COMMD10: variants seen among roughly 807,000 people sequenced by gnomAD.
COMMD10 encodes COMM domain-containing protein 10.
Under a neutral mutation model 28.9 loss-of-function variants are expected in COMMD10, and 33 were observed. The observed-to-expected ratio is 1.14, with a 90% confidence interval of 0.87 to 1.53. COMMD10 has a LOEUF of 1.53. Among genes scored for constraint, COMMD10 ranks in the 40% most tolerant of loss-of-function variants. The pLI is 0.00. For missense variants in COMMD10, 310 were observed against 233.4 expected, an observed-to-expected ratio of 1.33 and a Z score of -2.14; for synonymous variants, 110 against 81.7, an observed-to-expected ratio of 1.35 and a Z score of -1.87.
At chr5:116,154,712 G>C (rs1406059636) in intron 5 of COMMD10, among the ~76,000 whole-genome samples, 1 of 152,036 alleles carries the variant, frequency 6.6e-6, no homozygotes. Context: ...ATCTCTGCCA[G>C]CCTTGACCAC....
intron 5 of COMMD10, among the ~76,000 whole-genome samples, chr5:116,273,578 C>T (rs1327691364): frequency 2.0e-5 from 3 of 151,802 alleles, no homozygotes; most frequent in African/African-American, 7.3e-5. Context: ...ATATTAATGA[C>T]TAGACTACAG....
chr5:116,199,878 C>A (rs762486268), intron 5 of COMMD10, among the ~76,000 whole-genome samples: 5 of 152,116 alleles, frequency 3.3e-5, no homozygotes, highest in Non-Finnish European at 7.4e-5. Context: ...CCATGCCTGG[C>A]TTTCTTCTTC....
chr5:116,162,568 A>G (rs1752951337), intron 5 of COMMD10, among the ~76,000 whole-genome samples: 2 of 152,224 alleles, frequency 1.3e-5, no homozygotes, highest in South Asian at 4.1e-4. Flanking sequence ...ATATATGTAC[A>G]TAAATAGATT....
chr5:116,262,184 C>G (rs550821569), intron 5 of COMMD10, among the ~76,000 whole-genome samples: 1 of 151,684 alleles, frequency 6.6e-6, no homozygotes, highest in Admixed American at 6.6e-5. Context: ...CTCCTCTCAT[C>G]TTTTTCTGTT....
chr5:116,288,881 T>C (rs1751288626), intron 5 of COMMD10, among the ~76,000 whole-genome samples: 1 of 139,390 alleles, frequency 7.2e-6, no homozygotes, highest in East Asian at 2.0e-4. Context: ...TCTTTTTTTT[T>C]TTTTTTTTTT....
At chr5:116,096,041 G>T (rs1314401868) in intron 4 of COMMD10, among the ~76,000 whole-genome samples, 1 of 151,988 alleles carries the variant, frequency 6.6e-6, no homozygotes, top group East Asian at 1.9e-4. Context: ...CAGGTATTGT[G>T]AACCCACTGA....
chr5:116,168,176 G>T (rs1194215037), intron 5 of COMMD10, among the ~76,000 whole-genome samples: 1 of 147,316 alleles, frequency 6.8e-6, no homozygotes, highest in East Asian at 2.0e-4. Context: ...AAAAAAAAAG[G>T]GATTGCAGTC....
chr5:116,126,281 A>G (rs1472010952), intron 4 of COMMD10, among the ~76,000 whole-genome samples: 2 of 152,244 alleles, frequency 1.3e-5, no homozygotes, highest in Admixed American at 6.5e-5. Flanking sequence ...AAGAGGACAC[A>G]AACAAATGGA....
At position 116,140,257 on chromosome 5, in the gene COMMD10, A is replaced by G. The variant is rs374419073; in HGVS notation, c.510+6079A>G. 3.3e-3 allele frequency among the ~76,000 whole-genome samples: 263 copies of G among 79,254 alleles called. 2 individuals carry two copies. Among genetic ancestry groups the G allele is most frequent in the African/African-American group, 0.018 (236 of 13,200 alleles). 52.0% of individuals were successfully genotyped at this position (79,254 alleles called of 152,430 possible). A position where few individuals can be genotyped will look rare whatever the true frequency, so the allele number is the denominator to read the frequency against. ...TGTGTGTGTGTGTGTGTGTGTGTGT[A>G]TGTGTCTGTCTGTATATATGTCTAT... On this transcript the variant is annotated intron_variant, in intron 5 of 6. Coordinates refer to ENST00000274458, the MANE Select transcript of COMMD10 (RefSeq NM_016144.4).
chr5:116,112,099 T>A (rs1182556398), intron 4 of COMMD10, among the ~76,000 whole-genome samples: 1 of 152,228 alleles, frequency 6.6e-6, no homozygotes, highest in East Asian at 1.9e-4. Flanking sequence ...AGAGCTGGTC[T>A]ACTTTTGACA....
intron 5 of COMMD10, among the ~76,000 whole-genome samples, chr5:116,241,750 C>A (rs1749819487): frequency 6.6e-6 from 1 of 151,932 alleles, no homozygotes; most frequent in Admixed American, 6.6e-5. Flanking sequence ...GTAGCTGGGA[C>A]TACAGGCGCC....
intron 5 of COMMD10, among the ~76,000 whole-genome samples, chr5:116,196,760 T>C (rs1209082507): frequency 6.6e-6 from 1 of 152,104 alleles, no homozygotes; most frequent in Non-Finnish European, 1.5e-5. Context: ...ACAGTCTATA[T>C]AATGATTGGA....
intron 5 of COMMD10, among the ~76,000 whole-genome samples, chr5:116,159,721 G>T (rs1449389857): frequency 1.3e-5 from 2 of 152,166 alleles, no homozygotes; most frequent in African/African-American, 4.8e-5. Context: ...GGTTGATATT[G>T]TCTAGATCCA....
chr5:116,211,884 G>A (rs761964599), intron 5 of COMMD10, among the ~76,000 whole-genome samples: 5 of 152,082 alleles, frequency 3.3e-5, no homozygotes, highest in Non-Finnish European at 7.4e-5. Flanking sequence ...AAACAATGAA[G>A]TGTGATAGCT....
At chr5:116,244,660 C>CAAAAAAAAAAAAAAAAAAAAAAACA (rs60360733) in intron 5 of COMMD10, among the ~76,000 whole-genome samples, 1 of 79,484 alleles carries the variant, frequency 1.3e-5, no homozygotes, top group South Asian at 5.2e-4. Context: ...AAAAAAATTA[C>CAAAAAAAAAAAAAAAAAAAAAAACA]AAAAAAAAAA....
At chr5:116,097,361 A>G (rs1750503645) in intron 4 of COMMD10, among the ~76,000 whole-genome samples, 2 of 152,204 alleles carry the variant, frequency 1.3e-5, no homozygotes, top group Non-Finnish European at 2.9e-5. Flanking sequence ...AGTTCTTTGT[A>G]TGTTACAAAA....
At chr5:116,194,630 G>C (rs1298534826) in intron 5 of COMMD10, among the ~76,000 whole-genome samples, 1 of 152,124 alleles carries the variant, frequency 6.6e-6, no homozygotes, top group Non-Finnish European at 1.5e-5. Context: ...GGAAGAATTG[G>C]ATTCCTTGAA....
chr5:116,226,042 C>T (rs536272269), intron 5 of COMMD10, among the ~76,000 whole-genome samples: 63 of 152,166 alleles, frequency 4.1e-4, no homozygotes, highest in Non-Finnish European at 9.3e-4. Context: ...TTTTTCTTCT[C>T]CTTTTTTGTA....
intron 4 of COMMD10, among the ~76,000 whole-genome samples, chr5:116,095,567 A>G (rs571099383): frequency 2.6e-5 from 4 of 151,912 alleles, no homozygotes; most frequent in African/African-American, 9.6e-5. Flanking sequence ...ATTTTCTCCT[A>G]ATCTGTAGCT....
Sources: gnomAD v4.1 joint callset for allele counts (sites outside exome capture counted in the v4.1 genomes callset) on GRCh38, gnomAD v4.1.1 for gene constraint, MANE v1.5 for transcripts, NCBI Gene and HGNC (gene_info 2026-07-23, HGNC 2026-07-21) for gene names.